Variants in SAT1 observed in about 807,000 individuals in gnomAD.
The protein encoded by SAT1 is diamine acetyltransferase 1.
SAT1 carries 1 observed loss-of-function variant against 14.7 expected under a neutral mutation model. The ratio of observed to expected loss-of-function variants is 0.07; its 90% confidence interval spans 0.02 to 0.32. SAT1 has a LOEUF of 0.32. Ranked by LOEUF, SAT1 falls within the 10% of genes least tolerant of loss-of-function variation. The probability of loss-of-function intolerance (pLI) is 1.00; values close to 1 mark genes in which losing one functional copy is unlikely to be tolerated. For missense variants in SAT1, 77 were observed against 129.1 expected (o/e 0.60, Z 1.96); for synonymous variants, 67 against 46.1 (o/e 1.45, Z -1.84).
Position 23,783,366 on chromosome X carries a change from G to T in SAT1, c.15G>T (p.Val5=). The change falls in exon 1 of 6, where the codon GTG becomes GTT. Residue 5 remains valine (V), a synonymous_variant. Coordinates refer to ENST00000379270, the MANE Select transcript of SAT1 (RefSeq NM_002970.4). ...AAAAGACGAAAATGGCTAAATTCGTGATCCGCCCAGCCACTGCCGCCGACT... is the reference window on the plus strand; with the variant it reads ...AAAAGACGAAAATGGCTAAATTCGTTATCCGCCCAGCCACTGCCGCCGACT... MAKF[V]IRPATAADCS... is the part of the protein sequence containing the mutation. 1 of 1,211,265 alleles carries T rather than the reference G, an allele frequency of 8.3e-7. No individual in the cohort carries two copies. Among genetic ancestry groups the T allele is most frequent in the Non-Finnish European group, 1.1e-6 (1 of 895,051 alleles).
intron 1 of SAT1, 82 bp downstream of exon 1, chrX:23,783,499 G>T: frequency 3.0e-6 from 3 of 995,717 alleles, no homozygotes; most frequent in Non-Finnish European, 4.1e-6. Flanking sequence ...ACGTCTTGAG[G>T]TCTCGGCCGG....
intron 3 of SAT1, 154 bp from the exon 4 acceptor site, chrX:23,785,174 A>G: frequency 2.1e-6 from 1 of 483,712 alleles, no homozygotes; most frequent in Non-Finnish European, 3.7e-6. Flanking sequence ...CCTGGACTGC[A>G]CTCACATAAA....
intron 5 of SAT1, 58 bp from the exon 6 acceptor site, chrX:23,785,628 T>G (rs1045140813): frequency 2.5e-6 from 3 of 1,185,548 alleles, no homozygotes; most frequent in African/African-American, 3.5e-5. Flanking sequence ...GAATAAAAAT[T>G]GGGTCTTGAG....
chrX:23,783,576 C>A, intron 1 of SAT1, 82 bp from the exon 2 acceptor site: 1 of 745,017 alleles, frequency 1.3e-6, no homozygotes, highest in Non-Finnish European at 2.0e-6. Flanking sequence ...CGCCCGCCCG[C>A]CCCATTCCGT....
chrX:23,783,458 G>A lies in SAT1; in HGVS notation c.66+41G>A, dbSNP rs1922578510. On this transcript the variant is annotated intron_variant, in intron 1 of 5. Transcript: ENST00000379270. The stretch of plus-strand genomic sequence containing the variant: ...AGCTCCTCCCGGGGCGTGGGGTGGA[G>A]GTGGCTCCGTTTCCCAGAGTGGGGT... The A allele has an allele frequency of 3.5e-6, 4 of 1,134,262 alleles. No individual in the cohort carries two copies. The African/African-American group carries it at 5.3e-5, about 15-fold the overall frequency. The allele number at this position is 1,134,262 out of a possible 1,213,427, so 93.5% of individuals were successfully genotyped here. A position where few individuals can be genotyped will look rare whatever the true frequency, so the allele number is the denominator to read the frequency against.
chrX:23,785,452 G>A (rs1226327925), intron 4 of SAT1, 23 bp downstream of exon 4: 30 of 1,157,987 alleles, frequency 2.6e-5, no homozygotes, highest in Non-Finnish European at 3.5e-5. Flanking sequence ...TCGGAGCAGA[G>A]GGTCTGAAGA....
chrX:23,783,553 T>C, intron 1 of SAT1, 105 bp from the exon 2 acceptor site: 1 of 932,236 alleles, frequency 1.1e-6, no homozygotes, highest in Non-Finnish European at 1.5e-6. Context: ...CATCCCCGGC[T>C]CGGCCGCCAC....
rs1922685556 is a variant in SAT1, at chrX:23,785,535, C to T, written c.320C>T (p.Ser107Leu). 1 of 1,208,003 alleles carries T rather than the reference C, an allele frequency of 8.3e-7. No individual in the cohort carries two copies. The highest frequency in any genetic ancestry group is 1.1e-6 in the Non-Finnish European group (1 of 892,007). Reference protein sequence around the residue: ...MSDYRGFGIGSEILKNLSQVA... With the variant: ...MSDYRGFGIGLEILKNLSQVA... The stretch of plus-strand genomic sequence containing the variant: ...TTCTTTTTAGGCTTTGGCATAGGAT[C>T]AGAAATTCTGAAGAATCTAAGCCAG... The change falls in exon 5 of 6, where the codon TCA (serine) becomes TTA (leucine). Residue 107 changes from serine (S) to leucine (L), a missense_variant. Ser to Leu is a moderately radical substitution (Grantham distance 145, BLOSUM62 -2). Coordinates refer to ENST00000379270, the MANE Select transcript of SAT1 (RefSeq NM_002970.4).
At chrX:23,783,576 C>CCCCCAAAACAAA in intron 1 of SAT1, 82 bp from the exon 2 acceptor site, 3 of 745,017 alleles carry the variant, frequency 4.0e-6, no homozygotes, top group Non-Finnish European at 5.9e-6. Flanking sequence ...CGCCCGCCCG[C>CCCCCAAAACAAA]CCCATTCCGT....
At chrX:23,783,913 G>C (rs751859106) in intron 3 of SAT1, 30 bp downstream of exon 3, 2 of 1,209,707 alleles carry the variant, frequency 1.7e-6, no homozygotes, top group Middle Eastern at 2.3e-4. Context: ...AGAAGCCAGA[G>C]AGACCAAGTG....
At chrX:23,785,129 C>T in intron 3 of SAT1, 199 bp from the exon 4 acceptor site, 1 of 439,321 alleles carries the variant, frequency 2.3e-6, no homozygotes, top group Non-Finnish European at 4.0e-6. Flanking sequence ...TTTGCAAATA[C>T]ATGTTCTCAG....
Position 23,783,295 on chromosome X carries a change from C to T in SAT1, c.-57C>T, listed in dbSNP as rs745891782. ...GGAGACGAATGAGGAACCACCTCCTCCTACTGTTCAAGTACAGGGGCCTGG... is the reference window on the plus strand; with the variant it reads ...GGAGACGAATGAGGAACCACCTCCTTCTACTGTTCAAGTACAGGGGCCTGG... On this transcript the variant is annotated 5_prime_UTR_variant, in exon 1 of 6. Transcript: ENST00000379270. 9.4e-5 allele frequency: 103 copies of T among 1,093,076 alleles called. No homozygotes were observed. Among genetic ancestry groups the T allele is most frequent in the Non-Finnish European group, 1.2e-4 (94 of 790,248 alleles). The allele number at this position is 1,093,076 out of a possible 1,213,427, so 90.1% of individuals were successfully genotyped here. A position where few individuals can be genotyped will look rare whatever the true frequency, so the allele number is the denominator to read the frequency against.
intron 3 of SAT1, 146 bp downstream of exon 3, chrX:23,784,029 G>A (rs1569213851): frequency 3.5e-5 from 32 of 916,903 alleles, no homozygotes; most frequent in Admixed American, 2.0e-4. Context: ...AACTACTGAG[G>A]AAAAAAAAAA....
intron 4 of SAT1, 39 bp from the exon 5 acceptor site, chrX:23,785,481 G>A (rs370945465): frequency 2.2e-5 from 26 of 1,183,033 alleles, no homozygotes; most frequent in Non-Finnish European, 2.9e-5. Context: ...AGTTATAAAT[G>A]CTTACAATGA....
At chrX:23,783,763 C>T (rs1922601221) in intron 2 of SAT1, 37 bp from the exon 3 acceptor site, 2 of 1,209,064 alleles carry the variant, frequency 1.7e-6, no homozygotes, top group African/African-American at 3.5e-5. Context: ...GTCACCTTCG[C>T]CAAGGCCATT....
chrX:23,783,522 G>T, intron 1 of SAT1, 105 bp downstream of exon 1: 1 of 951,060 alleles, frequency 1.1e-6, no homozygotes, highest in Non-Finnish European at 1.4e-6. Context: ...TGAGAGCCCA[G>T]CCTGTTCCCC....
At chrX:23,784,763 G>T (rs1446722247) in intron 3 of SAT1, 1 of 111,907 alleles carries the variant, frequency 8.9e-6, no homozygotes, top group Non-Finnish European at 1.9e-5. Context: ...GGGCAATGCT[G>T]CTTCTTCTGA....
chrX:23,784,053 C>T (rs1202320794), intron 3 of SAT1, 170 bp downstream of exon 3: 6 of 1,125,537 alleles, frequency 5.3e-6, no homozygotes, highest in Non-Finnish European at 5.9e-6. Context: ...AGATATGCTG[C>T]ACTTAAGAAT....
chrX:23,783,188 G>T lies in SAT1; in HGVS notation c.-164G>T. 2.1e-6 allele frequency: 1 copy of T among 484,327 alleles called. No homozygotes were observed. Among genetic ancestry groups the T allele is most frequent in the Non-Finnish European group, 3.7e-6 (1 of 269,299 alleles). The allele number at this position is 484,327 out of a possible 1,213,427, so 39.9% of individuals were successfully genotyped here. On this transcript the variant is annotated 5_prime_UTR_variant, in exon 1 of 6. Transcript: ENST00000379270. The stretch of plus-strand genomic sequence containing the variant: ...ATGTTCAAATGCGCAGCTCTTAGTC[G>T]CGGGCCGACTGGTGTTTATCCGTCA...
Sources: gnomAD v4.1 joint callset for allele counts on GRCh38, gnomAD v4.1.1 for gene constraint, MANE v1.5 for transcripts, NCBI Gene and HGNC (gene_info 2026-07-23, HGNC 2026-07-21) for gene names.